Variants in INPP5A observed in about 807,000 individuals in gnomAD.
The protein encoded by INPP5A is 43 kDa inositol polyphosphate 5-phophatase.
A neutral mutation model predicts 65.2 loss-of-function variants in INPP5A; 14 were observed. The observed-to-expected ratio is 0.21, with a 90% CI of 0.14 to 0.34. INPP5A has a LOEUF of 0.34. INPP5A is among the 10% of genes least tolerant of loss of function. The pLI is 1.00. For synonymous variants in INPP5A, 207 were observed against 208.3 expected, an observed-to-expected ratio of 0.99 and a Z score of 0.05; for missense variants, 431 against 545.6, an observed-to-expected ratio of 0.79 and a Z score of 2.09.
Position 132,749,528 on chromosome 10 carries a change from A to C in INPP5A, c.744A>C (p.Thr248=), listed in dbSNP as rs775783155. 10 of 1,612,826 alleles carry C rather than the reference A, an allele frequency of 6.2e-6. No individual in the cohort carries two copies. The East Asian group carries it at 2.2e-4, about 36-fold the overall frequency. Residue 248 remains threonine, a synonymous_variant, in exon 10 of 16, where the codon ACA becomes ACC. Transcript: ENST00000368594. ...CTGTCTTTCTGCAGACGCTCTGCAC[A>C]AAAGCCACCATGCAGACGGTCCGGG... The part of the protein sequence containing the change: ...DSKSVVETLC[T]KATMQTVRAA...
chr10:132,610,447 CAGGCTGG>C (rs1564933541), intron 2 of INPP5A, among the ~76,000 whole-genome samples: 1 of 152,258 alleles, frequency 6.6e-6, no homozygotes, highest in Non-Finnish European at 1.5e-5. Context: ...GGGCTCTCTT[CAGGCTGG>C]ACCATGTGCT....
chr10:132,720,401 C>T (rs577727282), intron 8 of INPP5A, among the ~76,000 whole-genome samples: 51 of 139,076 alleles, frequency 3.7e-4, no homozygotes, highest in African/African-American at 1.5e-3. Flanking sequence ...AGACGGCTGT[C>T]TTGCGGGTTC....
Position 132,605,469 on chromosome 10 carries a change from T to C in INPP5A, c.76-2446T>C, listed in dbSNP as rs1439023302. 1.4e-4 allele frequency among the ~76,000 whole-genome samples: 6 copies of C among 42,922 alleles called. No individual in the cohort carries two copies. The East Asian group carries it at 3.2e-3, about 23-fold the overall frequency. The allele number at this position is 42,922 out of a possible 152,430, so 28.2% of individuals were successfully genotyped here. On this transcript the variant is annotated intron_variant, in intron 1 of 15. Coordinates refer to ENST00000368594, the MANE Select transcript of INPP5A (RefSeq NM_005539.5). ...AGGGGATGGGGAGGGTGTGGATCCC[T>C]TGGAGGGATGGGGAAGGGGCTGGGG...
intron 4 of INPP5A, among the ~76,000 whole-genome samples, chr10:132,689,894 A>T (rs1338180528): frequency 6.6e-6 from 1 of 152,240 alleles, no homozygotes; most frequent in Non-Finnish European, 1.5e-5. Flanking sequence ...GGGTGGGGCC[A>T]GGCGCAGTGG....
chr10:132,777,073 G>T (rs1847077597), intron 12 of INPP5A, among the ~76,000 whole-genome samples: 1 of 152,196 alleles, frequency 6.6e-6, no homozygotes, highest in African/African-American at 2.4e-5. Flanking sequence ...GCACCGCCAT[G>T]TGGCCAGCCC....
chr10:132,674,645 C>T lies in INPP5A; in HGVS notation c.307-15747C>T, dbSNP rs774430905. Among the ~76,000 whole-genome samples, 4 of 152,178 alleles carry T rather than the reference C, an allele frequency of 2.6e-5. No homozygotes were observed. The highest frequency in any genetic ancestry group is 7.2e-5 in the African/African-American group (3 of 41,434). On this transcript the variant is annotated intron_variant, in intron 4 of 15. Transcript: ENST00000368594. The surrounding 1 kb of genome is among the most constrained non-coding windows in gnomAD (Gnocchi z 4.4). ...TGTGCCTTCAGGACTTAATCAAGCC[C>T]AATCACATACATGCCACTTCCATTT...
intron 5 of INPP5A, 55 bp downstream of exon 5, chr10:132,690,510 G>A: frequency 7.4e-7 from 1 of 1,350,954 alleles, no homozygotes; most frequent in South Asian, 1.2e-5. Flanking sequence ...CCCTCCTGGT[G>A]TCTGGCTTCC....
chr10:132,721,501 G>T (rs1261484046), intron 8 of INPP5A, among the ~76,000 whole-genome samples: 1 of 151,594 alleles, frequency 6.6e-6, no homozygotes, highest in Non-Finnish European at 1.5e-5. Flanking sequence ...TGTGGTGCCT[G>T]GGTTCTGTCT....
chr10:132,543,793 G>A (rs1338538806), intron 1 of INPP5A, among the ~76,000 whole-genome samples: 1 of 152,238 alleles, frequency 6.6e-6, no homozygotes, highest in Non-Finnish European at 1.5e-5. Context: ...TTCATCAGCT[G>A]GTGGATGTTT....
In INPP5A at chr10:132,757,438, C is replaced by T. The variant is rs185806085; in HGVS notation, c.903+7593C>T. Among the ~76,000 whole-genome samples the T allele has an allele frequency of 4.4e-3, 672 of 152,388 alleles. 4 individuals carry two copies. The highest frequency in any genetic ancestry group is 0.015 in the African/African-American group (638 of 41,592). Reference sequence around the variant, plus strand: ...ATGCGCAGGTACTTACAGTGTGTTACGCCACCTGCGGTGGTCGGTGGCCTG... The same window carrying T: ...ATGCGCAGGTACTTACAGTGTGTTATGCCACCTGCGGTGGTCGGTGGCCTG... On this transcript the variant is annotated intron_variant, in intron 11 of 15. Transcript: ENST00000368594.
Position 132,726,804 on chromosome 10 carries a change from C to A in INPP5A, c.648-17C>A. 6.3e-7 allele frequency: 1 copy of A among 1,582,962 alleles called. No individual in the cohort carries two copies. Among genetic ancestry groups the A allele is most frequent in the Non-Finnish European group, 8.6e-7 (1 of 1,157,148 alleles). On this transcript the variant is annotated splice_polypyrimidine_tract_variant and intron_variant, in intron 8 of 15. Coordinates refer to ENST00000368594, the MANE Select transcript of INPP5A (RefSeq NM_005539.5). ...GGCTTCAGCGCCCTCGGTAACAAGT[C>A]CTCTTTTTCTTTCCAGAATCATTGA...
At chr10:132,605,043 T>A (rs777050060) in intron 1 of INPP5A, among the ~76,000 whole-genome samples, 12 of 151,716 alleles carry the variant, frequency 7.9e-5, no homozygotes, top group Non-Finnish European at 1.5e-4. Context: ...TTTCTGAGAA[T>A]CACCCTGGCT....
chr10:132,650,627 GC>G lies in INPP5A; in HGVS notation c.306+125del, dbSNP rs1358803406. ...CCCTGCCTGAAGCCTCACTCACGCT[GC>G]CCTGCCTGGCACTCCCGCAGCCTGC... is the stretch of plus-strand genomic sequence containing the variant. On this transcript the variant is annotated intron_variant, in intron 4 of 15. Transcript: ENST00000368594. This position sits in a 1 kb window ranked among gnomAD's most constrained non-coding sequence, Gnocchi z 5.5. The G allele has an allele frequency of 4.3e-6, 3 of 701,882 alleles. No homozygotes were observed. The highest frequency in any genetic ancestry group is 7.6e-6 in the Non-Finnish European group (3 of 396,862). 43.5% of individuals were successfully genotyped at this position (701,882 alleles called of 1,614,324 possible).
chr10:132,616,375 G>A lies in INPP5A; in HGVS notation c.117+8419G>A, dbSNP rs1319968503. Among the ~76,000 whole-genome samples the A allele has an allele frequency of 2.0e-5, 3 of 151,242 alleles. No individual in the cohort carries two copies. Among genetic ancestry groups the A allele is most frequent in the Admixed American group, 1.3e-4 (2 of 15,212 alleles). On this transcript the variant is annotated intron_variant, in intron 2 of 15. Coordinates refer to ENST00000368594, the MANE Select transcript of INPP5A (RefSeq NM_005539.5). This position sits in a 1 kb window ranked among gnomAD's most constrained non-coding sequence, Gnocchi z 4.9. ...GGGGCACGTGGCGTGCGGGGACGCC[G>A]TGGGCGTGGTGTGAGGTATGTGGCG...
Position 132,782,226 on chromosome 10 carries a change from A to C in INPP5A, c.*197A>C. 1 of 609,794 alleles carries C rather than the reference A, an allele frequency of 1.6e-6. No individual in the cohort carries two copies. The highest frequency in any genetic ancestry group is 2.8e-6 in the Non-Finnish European group (1 of 360,452). The allele number at this position is 609,794 out of a possible 1,614,324, so 37.8% of individuals were successfully genotyped here. On this transcript the variant is annotated 3_prime_UTR_variant, in exon 16 of 16. Coordinates refer to ENST00000368594, the MANE Select transcript of INPP5A (RefSeq NM_005539.5). This position sits in a 1 kb window ranked among gnomAD's most constrained non-coding sequence, Gnocchi z 4.4. ...ACATACCTCACTGTCTCGTCTGTCT[A>C]TGTGACATTAAGTAGAAATATTGGT...
intron 2 of INPP5A, among the ~76,000 whole-genome samples, chr10:132,623,611 A>T (rs763821140): frequency 6.6e-6 from 1 of 152,254 alleles, no homozygotes; most frequent in Non-Finnish European, 1.5e-5. Context: ...ATGCAACAGC[A>T]AAAGCACAAT....
At chr10:132,628,261 G>T (rs922792762) in intron 2 of INPP5A, among the ~76,000 whole-genome samples, 9 of 152,326 alleles carry the variant, frequency 5.9e-5, no homozygotes, top group Non-Finnish European at 2.9e-5. Flanking sequence ...CTGATGGGAG[G>T]CTCCCCTTTC....
At chr10:132,544,879 C>A (rs2070950038) in intron 1 of INPP5A, among the ~76,000 whole-genome samples, 1 of 152,002 alleles carries the variant, frequency 6.6e-6, no homozygotes, top group Non-Finnish European at 1.5e-5. Flanking sequence ...GTTTTTTTAT[C>A]AGTCTCTAGA....
At chr10:132,564,190 T>C (rs2071243017) in intron 1 of INPP5A, among the ~76,000 whole-genome samples, 1 of 152,056 alleles carries the variant, frequency 6.6e-6, no homozygotes, top group African/African-American at 2.4e-5. Flanking sequence ...AAATGTGGCG[T>C]GCGCGTTGTG....
Sources: gnomAD v4.1 joint callset for allele counts (sites outside exome capture counted in the v4.1 genomes callset) on GRCh38, gnomAD v4.1.1 for gene constraint, Gnocchi (gnomAD v3.1) non-coding constraint, MANE v1.5 for transcripts, NCBI Gene and HGNC (gene_info 2026-07-23, HGNC 2026-07-21) for gene names.